GFRA1: variants seen among roughly 807,000 people sequenced by gnomAD.
GFRA1 encodes the protein GDNF family receptor alpha-1.
Under a neutral mutation model 51.6 loss-of-function variants are expected in GFRA1, and 16 were observed. The ratio of observed to expected loss-of-function variants is 0.31; its 90% CI spans 0.21 to 0.47. The LOEUF (loss-of-function observed/expected upper bound fraction) is 0.47, where lower values mean the gene tolerates loss of function less well. Among genes scored for constraint, GFRA1 ranks in the 20% least tolerant of loss-of-function variants. GFRA1 has a pLI of 1.00. For synonymous variants in GFRA1, 270 were observed against 241.3 expected (o/e 1.12, Z -1.10); for missense variants, 530 against 594.3 (o/e 0.89, Z 1.13).
Position 116,113,824 on chromosome 10 carries a change from G to A in GFRA1, c.770+11397C>T, listed in dbSNP as rs139119726. On this transcript the variant is annotated intron_variant, in intron 6 of 10. Transcript: ENST00000355422. ...CTCATCCAGTGACAGGGAGGGTAAC[G>A]ACAGCTCCCACTTCCAAGGTTGCTG... is the stretch of plus-strand genomic sequence containing the variant. Among the ~76,000 whole-genome samples the A allele has an allele frequency of 4.8e-4, 73 of 152,146 alleles. 1 individual carries two copies. The highest frequency in any genetic ancestry group is 3.6e-3 in the Admixed American group (55 of 15,278).
intron 5 of GFRA1, among the ~76,000 whole-genome samples, chr10:116,205,596 G>GATATATATATATATATATAT (rs140642664): frequency 2.8e-4 from 39 of 140,570 alleles, no homozygotes; most frequent in African/African-American, 9.3e-4. Flanking sequence ...AAAAAAAAAA[G>GATATATATATATATATATAT]ATATATATAT....
intron 5 of GFRA1, among the ~76,000 whole-genome samples, chr10:116,149,966 C>T (rs1205313276): frequency 5.9e-5 from 9 of 152,130 alleles, no homozygotes; most frequent in Admixed American, 5.2e-4. Flanking sequence ...GCAGTTATAT[C>T]CTTCTAGAGC....
chr10:116,102,088 G>C (rs755820252), intron 6 of GFRA1, among the ~76,000 whole-genome samples: 6 of 152,214 alleles, frequency 3.9e-5, no homozygotes, highest in Non-Finnish European at 7.3e-5. Flanking sequence ...ATACAAGACA[G>C]CTGAGGGCCA....
chr10:116,256,174 G>A (rs1021685170), intron 4 of GFRA1, among the ~76,000 whole-genome samples: 1 of 152,136 alleles, frequency 6.6e-6, no homozygotes, highest in Non-Finnish European at 1.5e-5. Flanking sequence ...CTAGAACGTT[G>A]CAAGTAACTA....
At chr10:116,081,364 T>A (rs1422543252) in intron 9 of GFRA1, among the ~76,000 whole-genome samples, 1 of 152,226 alleles carries the variant, frequency 6.6e-6, no homozygotes, top group African/African-American at 2.4e-5. Flanking sequence ...TGCTCATTTA[T>A]GAACCAATCT....
chr10:116,237,532 G>A (rs1966971127), intron 4 of GFRA1, among the ~76,000 whole-genome samples: 1 of 139,230 alleles, frequency 7.2e-6, no homozygotes, highest in Non-Finnish European at 1.5e-5. Context: ...AGCAGACACT[G>A]AGTACATACT....
At chr10:116,235,365 T>C (rs1966854839) in intron 4 of GFRA1, among the ~76,000 whole-genome samples, 1 of 152,214 alleles carries the variant, frequency 6.6e-6, no homozygotes, top group Non-Finnish European at 1.5e-5. Context: ...GAGGTGCCTA[T>C]TCCCTCTTTG....
At chr10:116,196,206 A>C (rs542533747) in intron 5 of GFRA1, among the ~76,000 whole-genome samples, 44 of 150,754 alleles carry the variant, frequency 2.9e-4, no homozygotes, top group African/African-American at 1.0e-3. Context: ...AAAAAAAAAA[A>C]CAGCTGGGCA....
rs555939985 is a variant in GFRA1 at position 116,272,589 on chromosome 10, G to A, written c.-246-314C>T. 1.3e-5 allele frequency: 2 copies of A among 152,772 alleles called. No individual in the cohort carries two copies. Among genetic ancestry groups the A allele is most frequent in the Admixed American group, 6.5e-5 (1 of 15,364 alleles). 9.5% of individuals were successfully genotyped at this position (152,772 alleles called of 1,614,324 possible). A position where few individuals can be genotyped will look rare whatever the true frequency, so the allele number is the denominator to read the frequency against. Reference sequence around the variant, plus strand: ...CCGAGCGTCGCGAGCGGAGCCTGCAGCTGCCTGGAGTCCGAGCCCTCGGTG... The same window carrying A: ...CCGAGCGTCGCGAGCGGAGCCTGCAACTGCCTGGAGTCCGAGCCCTCGGTG... On this transcript the variant is annotated intron_variant, in intron 1 of 10. Coordinates refer to ENST00000355422, the MANE Select transcript of GFRA1 (RefSeq NM_005264.8). This position sits in a 1 kb window ranked among gnomAD's most constrained non-coding sequence, Gnocchi z 4.4.
chr10:116,094,125 C>T (rs2133895180), intron 7 of GFRA1, among the ~76,000 whole-genome samples: 1 of 152,280 alleles, frequency 6.6e-6, no homozygotes, highest in Middle Eastern at 3.4e-3. Context: ...AAAGAATTAA[C>T]TTAGAGAACG....
chr10:116,104,192 C>T (rs371706837), intron 6 of GFRA1, among the ~76,000 whole-genome samples: 7 of 152,220 alleles, frequency 4.6e-5, no homozygotes, highest in Non-Finnish European at 7.3e-5. Flanking sequence ...AGCAAGACAG[C>T]GGCCACATGT....
intron 5 of GFRA1, among the ~76,000 whole-genome samples, chr10:116,126,838 G>A (rs189125990): frequency 1.9e-3 from 288 of 152,306 alleles, no homozygotes; most frequent in African/African-American, 6.4e-3. Context: ...GGCACAGTTC[G>A]GTTAGGTAGG....
At position 116,125,517 on chromosome 10, in the gene GFRA1, C is replaced by T. The variant is rs1466992042; in HGVS notation, c.474G>A (p.Ala158=). The change falls in exon 6 of 11, where the codon GCG becomes GCA. Residue 158 remains alanine, a synonymous_variant. Coordinates refer to ENST00000355422, the MANE Select transcript of GFRA1 (RefSeq NM_005264.8). ...IPKGNNCLDA[A]KACNLDDICK... Reference sequence around the variant, plus strand: ...AAATGTCGTCGAGGTTGCAGGCCTTCGCTGCATCCAGGCAGTTGTTCCCTT... The same window carrying T: ...AAATGTCGTCGAGGTTGCAGGCCTTTGCTGCATCCAGGCAGTTGTTCCCTT... 5.6e-6 allele frequency: 9 copies of T among 1,613,958 alleles called. No individual in the cohort carries two copies. Among genetic ancestry groups the T allele is most frequent in the African/African-American group, 1.3e-5 (1 of 74,936 alleles).
chr10:116,057,993 TGTGTGTGTGTGTGTGTG>T lies in GFRA1; in HGVS notation c.*6388_*6404del, dbSNP rs1954621820. On this transcript the variant is annotated 3_prime_UTR_variant, in exon 11 of 11. Coordinates refer to ENST00000355422, the MANE Select transcript of GFRA1 (RefSeq NM_005264.8). ...GGATCATATAGCCCTCCAATCATTGTGTGTGTGTGTGTGTGTGTGTGTGTGTGTGTGTGTGTGTGTGT... is the reference window on the plus strand; with the variant it reads ...GGATCATATAGCCCTCCAATCATTGTTGTGTGTGTGTGTGTGTGTGTGTGT... 4.4e-5 allele frequency: 1 copy of T among 22,904 alleles called. No homozygotes were observed. The highest frequency in any genetic ancestry group is 1.9e-4 in the African/African-American group (1 of 5,352). 1.4% of individuals were successfully genotyped at this position (22,904 alleles called of 1,614,324 possible).
At chr10:116,165,224 A>G (rs1419405880) in intron 5 of GFRA1, among the ~76,000 whole-genome samples, 1 of 152,146 alleles carries the variant, frequency 6.6e-6, no homozygotes, top group African/African-American at 2.4e-5. Context: ...AACACAGCTC[A>G]GGAATGCTCA....
chr10:116,095,958 C>T (rs1396280636), intron 7 of GFRA1, among the ~76,000 whole-genome samples: 3 of 151,170 alleles, frequency 2.0e-5, no homozygotes, highest in East Asian at 3.9e-4. Context: ...GCCTTTCCCC[C>T]TGACAGCCCC....
chr10:116,062,003 T>C lies in GFRA1; in HGVS notation c.*2395A>G, dbSNP rs1254443272. ...TGAGGAGCTGGTAACTTGAATATGCTTTTATCACTGAAGAAAAATGAGATA... is the reference window on the plus strand; with the variant it reads ...TGAGGAGCTGGTAACTTGAATATGCCTTTATCACTGAAGAAAAATGAGATA... On this transcript the variant is annotated 3_prime_UTR_variant, in exon 11 of 11. Transcript: ENST00000355422. The C allele has an allele frequency of 2.5e-6, 1 of 398,488 alleles. No homozygotes were observed. Among genetic ancestry groups the C allele is most frequent in the Non-Finnish European group, 4.4e-6 (1 of 226,052 alleles). 24.7% of individuals were successfully genotyped at this position (398,488 alleles called of 1,614,324 possible).
At chr10:116,206,737 A>G (rs917874669) in intron 5 of GFRA1, among the ~76,000 whole-genome samples, 1 of 143,616 alleles carries the variant, frequency 7.0e-6, no homozygotes, top group Non-Finnish European at 1.5e-5. Flanking sequence ...GGTTCACGCC[A>G]TTCTCCTTCC....
intron 5 of GFRA1, among the ~76,000 whole-genome samples, chr10:116,195,148 C>G (rs1963623158): frequency 6.6e-6 from 1 of 152,180 alleles, no homozygotes; most frequent in African/African-American, 2.4e-5. Context: ...GTTTTCTTTT[C>G]CTTCATGGCC....
Sources: allele counts gnomAD v4.1 joint callset (sites outside exome capture counted in the v4.1 genomes callset), GRCh38; gene constraint gnomAD v4.1.1; non-coding constraint Gnocchi (gnomAD v3.1); transcripts MANE v1.5; gene names NCBI Gene and HGNC (gene_info 2026-07-23, HGNC 2026-07-21).